MMP21: variants seen among roughly 807,000 people sequenced by gnomAD.
MMP21 encodes the protein matrix metallopeptidase 21.
In MMP21, 40 loss-of-function variants were observed where a neutral mutation model predicts 47.8. The ratio of observed to expected loss-of-function variants is 0.84; its 90% CI spans 0.65 to 1.09. The LOEUF (loss-of-function observed/expected upper bound fraction) is 1.09. Ranked by LOEUF, MMP21 falls within the 50% of genes least tolerant of loss-of-function variation. The pLI is 0.00. For missense variants in MMP21, 747 were observed against 775.3 expected (o/e 0.96, Z 0.43); for synonymous variants, 341 against 318.0 (o/e 1.07, Z -0.77).
intron 5 of MMP21, among the ~76,000 whole-genome samples, chr10:125,769,217 G>C (rs919362464): frequency 2.0e-5 from 3 of 152,272 alleles, no homozygotes; most frequent in African/African-American, 7.2e-5. Context: ...TGTGAATAAG[G>C]AGCAGCGGCA....
In MMP21 at chr10:125,766,822, G is replaced by C; in HGVS notation, c.1550C>G (p.Ser517Cys). 6.2e-7 allele frequency: 1 copy of C among 1,613,966 alleles called. No individual in the cohort carries two copies. Among genetic ancestry groups the C allele is most frequent in the Middle Eastern group, 1.7e-4 (1 of 6,058 alleles). Residue 517 changes from serine to cysteine, a missense_variant, in exon 7 of 7, where the codon TCC becomes TGC. Physicochemically the swap from Ser to Cys is moderately radical, Grantham distance 112. Transcript: ENST00000368808. ...TGCATTGCCTTTGAAAAAGAAAATGGAGTTGTATGCATAGGAGTAATAAGC... is the reference window on the plus strand; with the variant it reads ...TGCATTGCCTTTGAAAAAGAAAATGCAGTTGTATGCATAGGAGTAATAAGC... Reference protein sequence around the residue: ...DSAYYSYAYNSIFFFKGNAYW... With the variant: ...DSAYYSYAYNCIFFFKGNAYW...
At position 125,766,683 on chromosome 10, in the gene MMP21, A is replaced by G. The variant is rs753767176; in HGVS notation, c.1689T>C (p.His563=). Residue 563 remains histidine (H), a synonymous_variant, in exon 7 of 7, where the codon CAT becomes CAC. Transcript: ENST00000368808. ...SEKWFDVCDV[H]ISTLNM is the part of the protein sequence containing the mutation. ...CTTATTACATGTTCAGTGTGGAGAT[A>G]TGGACGTCACAAACATCAAACCACT... 1.4e-5 allele frequency: 23 copies of G among 1,611,440 alleles called. No individual in the cohort carries two copies. Among genetic ancestry groups the G allele is most frequent in the Non-Finnish European group, 5.1e-6 (6 of 1,179,094 alleles).
At chr10:125,769,732 T>C (rs755759765) in intron 5 of MMP21, among the ~76,000 whole-genome samples, 36 of 152,222 alleles carry the variant, frequency 2.4e-4, no homozygotes, top group Non-Finnish European at 4.1e-4. Context: ...CAAGGTATTT[T>C]TTTTTCCCTC....
At chr10:125,767,738 A>G in intron 5 of MMP21, 34 bp from the exon 6 acceptor site, 1 of 1,606,282 alleles carries the variant, frequency 6.2e-7, no homozygotes, top group East Asian at 2.2e-5. Flanking sequence ...CATGTGGTTT[A>G]TTACTATTAA....
Position 125,767,535 on chromosome 10 carries a change from G to T in MMP21, c.1407C>A (p.Ser469=). Residue 469 remains serine (S), a synonymous_variant, in exon 6 of 7, where the codon TCC becomes TCA. Coordinates refer to ENST00000368808, the MANE Select transcript of MMP21 (RefSeq NM_147191.1). ...GGCTGAAGAGCCTTCTACTTACAAG[G>T]GACTCCTTGAAGAAGTAAATTAACT... is the stretch of plus-strand genomic sequence containing the variant. The part of the protein sequence containing the change: ...RQKLIYFFKE[S]LVFAFDVNRN... 6.2e-7 allele frequency: 1 copy of T among 1,613,918 alleles called. No homozygotes were observed.
At position 125,773,555 on chromosome 10, in the gene MMP21, G is replaced by A. The variant is rs1011390273; in HGVS notation, c.697+276C>T. Among the ~76,000 whole-genome samples the A allele has an allele frequency of 2.0e-5, 3 of 151,836 alleles. No individual in the cohort carries two copies. The highest frequency in any genetic ancestry group is 7.3e-5 in the African/African-American group (3 of 41,340). On this transcript the variant is annotated intron_variant, in intron 2 of 6. Transcript: ENST00000368808. This position sits in a 1 kb window ranked among gnomAD's most constrained non-coding sequence, Gnocchi z 4.8. ...AGGGAAGCTGGAGGCACAGGCAGGGGGCCCGAGTGGGACTTTGAGGAGCAG... is the reference window on the plus strand; with the variant it reads ...AGGGAAGCTGGAGGCACAGGCAGGGAGCCCGAGTGGGACTTTGAGGAGCAG...
rs755053134 is a variant in MMP21 at position 125,770,581 on chromosome 10, C to A, written c.990G>T (p.Glu330Asp). ...KAIQKLYGSC[E>D]GSFDTAFDWI... ...AGTCAAACGCAGTATCAAATGATCC[C>A]TCACAGGAGCCTTAAAAAAACAAAC... The change falls in exon 5 of 7, where the codon GAG becomes GAT. Residue 330 changes from glutamate to aspartate, a missense_variant. Physicochemically the swap from Glu to Asp is conservative, Grantham distance 45. Coordinates refer to ENST00000368808, the MANE Select transcript of MMP21 (RefSeq NM_147191.1). 7.4e-6 allele frequency: 12 copies of A among 1,612,506 alleles called. No homozygotes were observed. The highest frequency in any genetic ancestry group is 1.7e-6 in the Non-Finnish European group (2 of 1,179,158).
Position 125,767,605 on chromosome 10 carries a change from C to A in MMP21, c.1337G>T (p.Gly446Val), listed in dbSNP as rs1850400394. Residue 446 changes from glycine (G) to valine (V), a missense_variant, in exon 6 of 7, where the codon GGC becomes GTC. Physicochemically the swap from Gly to Val is moderately radical, Grantham distance 109. Transcript: ENST00000368808. ...CGCCGTGTCTAGGGGACTTGGGATG[C>A]CAGGAAATCCTTCTGAAATCAATTT... ...YPKLISEGFP[G>V]IPSPLDTAFY... is the part of the protein sequence containing the mutation. 6.2e-7 allele frequency: 1 copy of A among 1,614,116 alleles called. No homozygotes were observed. The highest frequency in any genetic ancestry group is 8.5e-7 in the Non-Finnish European group (1 of 1,180,000).
rs1210930349 is a variant in MMP21 at position 125,773,786 on chromosome 10, C to T, written c.697+45G>A. The stretch of plus-strand genomic sequence containing the variant: ...GGTGGGGGTAGGTGCGCCGGGGTCC[C>T]CGAGGGGCTGGGTCGGGCAGGCAGG... On this transcript the variant is annotated intron_variant, in intron 2 of 6. Coordinates refer to ENST00000368808, the MANE Select transcript of MMP21 (RefSeq NM_147191.1). The surrounding 1 kb of genome is among the most constrained non-coding windows in gnomAD (Gnocchi z 4.8). The T allele has an allele frequency of 6.9e-7, 1 of 1,457,656 alleles. No homozygotes were observed. The highest frequency in any genetic ancestry group is 9.0e-7 in the Non-Finnish European group (1 of 1,109,530). The allele number at this position is 1,457,656 out of a possible 1,614,324, so 90.3% of individuals were successfully genotyped here.
Position 125,773,780 on chromosome 10 carries a change from G to T in MMP21, c.697+51C>A. On this transcript the variant is annotated intron_variant, in intron 2 of 6. Transcript: ENST00000368808. The surrounding 1 kb of genome is among the most constrained non-coding windows in gnomAD (Gnocchi z 4.8). ...GGCCGAGGTGGGGGTAGGTGCGCCG[G>T]GGTCCCCGAGGGGCTGGGTCGGGCA... 6.9e-7 allele frequency: 1 copy of T among 1,451,986 alleles called. No homozygotes were observed. Among genetic ancestry groups the T allele is most frequent in the Non-Finnish European group, 9.0e-7 (1 of 1,107,068 alleles). 89.9% of individuals were successfully genotyped at this position (1,451,986 alleles called of 1,614,324 possible). A position where few individuals can be genotyped will look rare whatever the true frequency, so the allele number is the denominator to read the frequency against.
chr10:125,766,604 T>G lies in MMP21; in HGVS notation c.*58A>C, dbSNP rs374102905. 1.4e-6 allele frequency: 2 copies of G among 1,425,428 alleles called. No homozygotes were observed. Among genetic ancestry groups the G allele is most frequent in the Non-Finnish European group, 9.4e-7 (1 of 1,065,322 alleles). The allele number at this position is 1,425,428 out of a possible 1,614,324, so 88.3% of individuals were successfully genotyped here. A position where few individuals can be genotyped will look rare whatever the true frequency, so the allele number is the denominator to read the frequency against. ...GCTACTGAAAATCCGGTTTTCTTTG[T>G]AAACAGTATCAGAATTTTAGCGAAG... On this transcript the variant is annotated 3_prime_UTR_variant, in exon 7 of 7. Transcript: ENST00000368808.
Position 125,774,073 on chromosome 10 carries a change from A to G in MMP21, c.455T>C (p.Leu152Ser), listed in dbSNP as rs1382450599. Residue 152 changes from leucine to serine, a missense_variant, in exon 2 of 7, where the codon TTG (leucine) becomes TCG (serine). Transcript: ENST00000368808. Reference sequence around the variant, plus strand: ...CCGGGGCTGCCAACCCCGCCGGGACAAGGACAGCGGCGCCCGCGGGGAGCG... The same window carrying G: ...CCGGGGCTGCCAACCCCGCCGGGACGAGGACAGCGGCGCCCGCGGGGAGCG... ...SRRSPRAPLS[L>S]SRRGWQPRGY... 4 of 1,433,350 alleles carry G rather than the reference A, an allele frequency of 2.8e-6. No homozygotes were observed. The highest frequency in any genetic ancestry group is 3.6e-6 in the Non-Finnish European group (4 of 1,097,212). 88.8% of individuals were successfully genotyped at this position (1,433,350 alleles called of 1,614,324 possible). A position where few individuals can be genotyped will look rare whatever the true frequency, so the allele number is the denominator to read the frequency against.
At position 125,773,990 on chromosome 10, in the gene MMP21, G is replaced by A. The variant is rs774570673; in HGVS notation, c.538C>T (p.Leu180=). ...AFSKRTLSWR[L]LGEALSSQLS... The stretch of plus-strand genomic sequence containing the variant: ...TGGCTGCTCAGGGCCTCGCCCAGCA[G>A]CCGCCAGCTCAGCGTCCTCTTGGAG... Residue 180 remains leucine, a synonymous_variant, in exon 2 of 7, where the codon CTG becomes TTG. Transcript: ENST00000368808. The surrounding 1 kb of genome is among the most constrained non-coding windows in gnomAD (Gnocchi z 4.8). The A allele has an allele frequency of 1.3e-5, 21 of 1,562,676 alleles. No homozygotes were observed. Among genetic ancestry groups the A allele is most frequent in the Non-Finnish European group, 1.6e-5 (19 of 1,162,952 alleles).
rs775982241 is a variant in MMP21, at chr10:125,772,798, C to G, written c.698-48G>C. ...GGTCCCGGTGAAGGATGAGTGCCCC[C>G]CATACAGACTCCTCACCTAGGGGGT... is the stretch of plus-strand genomic sequence containing the variant. On this transcript the variant is annotated intron_variant, in intron 2 of 6. Transcript: ENST00000368808. The surrounding 1 kb of genome is among the most constrained non-coding windows in gnomAD (Gnocchi z 5.6). The G allele has an allele frequency of 1.3e-6, 2 of 1,596,150 alleles. No homozygotes were observed. The highest frequency in any genetic ancestry group is 2.2e-5 in the South Asian group (2 of 90,268).
At position 125,766,962 on chromosome 10, in the gene MMP21, C is replaced by T; in HGVS notation, c.1411-1G>A. 6.4e-7 allele frequency: 1 copy of T among 1,571,016 alleles called. No homozygotes were observed. Among genetic ancestry groups the T allele is most frequent in the Non-Finnish European group, 8.6e-7 (1 of 1,163,674 alleles). ...TTCTGTTGACATCAAATGCAAATAC[C>T]TGCAAAGCAAATAAGATAGACTGGC... On this transcript the variant is annotated splice_acceptor_variant, in intron 6 of 6. Transcript: ENST00000368808. LOFTEE classifies it high-confidence loss of function.
chr10:125,775,746 T>A lies in MMP21; in HGVS notation c.76A>T (p.Ser26Cys). 6.2e-7 allele frequency: 1 copy of A among 1,613,574 alleles called. No homozygotes were observed. Residue 26 changes from serine to cysteine, a missense_variant, in exon 1 of 7, where the codon AGT becomes TGT. By Grantham distance (112) the Ser-to-Cys change is moderately radical. Transcript: ENST00000368808. The part of the protein sequence containing the change: ...LAAPWPTQPE[S>C]LFHSRDRSDL... ...GAGCGGTCCCGGCTGTGGAAGAGAC[T>A]CTCGGGCTGGGTGGGCCAGGGAGCA...
intron 5 of MMP21, among the ~76,000 whole-genome samples, chr10:125,769,681 G>T (rs750036524): frequency 3.3e-5 from 5 of 152,164 alleles, no homozygotes; most frequent in Non-Finnish European, 7.3e-5. Context: ...CACCTCTTCT[G>T]CTCGGTCTGC....
At chr10:125,775,553 CCTCTGCACAGCCGG>C (rs1850507064) in intron 1 of MMP21, 93 bp downstream of exon 1, 1 of 1,404,808 alleles carries the variant, frequency 7.1e-7, no homozygotes, top group Non-Finnish European at 9.4e-7. Flanking sequence ...CCCTTCTCTG[CCTCTGCACAGCCGG>C]CATCCTGGCC....
intron 4 of MMP21, among the ~76,000 whole-genome samples, chr10:125,770,976 G>C (rs1388554839): frequency 6.6e-6 from 1 of 152,108 alleles, no homozygotes; most frequent in East Asian, 1.9e-4. Context: ...GCTGCAGTGA[G>C]CTGAGATCAG....
Sources: allele counts gnomAD v4.1 joint callset (sites outside exome capture counted in the v4.1 genomes callset), GRCh38; gene constraint gnomAD v4.1.1; non-coding constraint Gnocchi (gnomAD v3.1); transcripts MANE v1.5; gene names NCBI Gene and HGNC (gene_info 2026-07-23, HGNC 2026-07-21).